Variants in MEGF11 observed in about 807,000 individuals in gnomAD.
The protein encoded by MEGF11 is multiple epidermal growth factor-like domains protein 11.
MEGF11 carries 126 observed loss-of-function variants against 146.6 expected under a neutral mutation model. The ratio of observed to expected loss-of-function variants is 0.86; its 90% CI spans 0.74 to 1.00. The LOEUF is 1.00. Ranked by LOEUF, MEGF11 falls within the 50% of genes least tolerant of loss-of-function variation. The pLI is 0.00. For synonymous variants in MEGF11, 532 were observed against 583.4 expected (o/e 0.91, Z 1.27); for missense variants, 1,509 against 1,521.2 (o/e 0.99, Z 0.13).
chr15:65,988,183 T>G (rs112200370), intron 5 of MEGF11, among the ~76,000 whole-genome samples: 6,255 of 151,978 alleles, frequency 0.041, 206 homozygotes, highest in Non-Finnish European at 0.062. Flanking sequence ...AATTTTCCTA[T>G]TTTTTTGTAG....
At chr15:66,094,856 A>G (rs904803609) in intron 4 of MEGF11, among the ~76,000 whole-genome samples, 6 of 152,172 alleles carry the variant, frequency 3.9e-5, no homozygotes, top group African/African-American at 1.4e-4. Context: ...TGCTTAGGAA[A>G]TGATCTGTCC....
At chr15:66,152,760 T>A (rs1436922650) in intron 1 of MEGF11, among the ~76,000 whole-genome samples, 1 of 152,212 alleles carries the variant, frequency 6.6e-6, no homozygotes. Context: ...TGGATGCACA[T>A]GGCCGGATGG....
chr15:66,251,641 A>G (rs1597177445), intron 1 of MEGF11, among the ~76,000 whole-genome samples: 1 of 152,194 alleles, frequency 6.6e-6, no homozygotes, highest in African/African-American at 2.4e-5. Context: ...GCAGTGGCCT[A>G]ACTGGGAACA....
At chr15:65,970,993 A>C in intron 7 of MEGF11, 1 of 412,842 alleles carries the variant, frequency 2.4e-6, no homozygotes, top group Non-Finnish European at 4.5e-6. Flanking sequence ...AGAGCCAAAA[A>C]AACCGCTAAG....
At chr15:66,061,851 G>A (rs541791850) in intron 5 of MEGF11, among the ~76,000 whole-genome samples, 2 of 152,304 alleles carry the variant, frequency 1.3e-5, no homozygotes, top group South Asian at 4.1e-4. Context: ...GGCCCAGGTT[G>A]ATAATCAAAC....
At chr15:66,084,130 T>A (rs978551674) in intron 5 of MEGF11, among the ~76,000 whole-genome samples, 18 of 152,128 alleles carry the variant, frequency 1.2e-4, no homozygotes, top group African/African-American at 4.3e-4. Context: ...ACCACACACC[T>A]AGGCTACACC....
intron 1 of MEGF11, among the ~76,000 whole-genome samples, chr15:66,133,737 C>T (rs2088763444): frequency 6.6e-6 from 1 of 152,084 alleles, no homozygotes; most frequent in Non-Finnish European, 1.5e-5. Context: ...AGCAATCCCA[C>T]CAGGGGTTGG....
intron 24 of MEGF11, among the ~76,000 whole-genome samples, chr15:65,903,098 A>AGGAG (rs1388985415): frequency 6.6e-6 from 1 of 152,160 alleles, no homozygotes; most frequent in Non-Finnish European, 1.5e-5. Flanking sequence ...GAGAGATAGG[A>AGGAG]GGAGGAGGTC....
intron 2 of MEGF11, among the ~76,000 whole-genome samples, chr15:66,125,087 G>T (rs1444115281): frequency 6.6e-6 from 1 of 152,228 alleles, no homozygotes; most frequent in African/African-American, 2.4e-5. Context: ...TCCACGGTAG[G>T]CTCTCTGATG....
At chr15:66,074,729 C>A (rs2085505578) in intron 5 of MEGF11, among the ~76,000 whole-genome samples, 1 of 152,192 alleles carries the variant, frequency 6.6e-6, no homozygotes, top group Non-Finnish European at 1.5e-5. Flanking sequence ...TTAAAGTTAC[C>A]AAACTGCTCC....
intron 16 of MEGF11, among the ~76,000 whole-genome samples, chr15:65,917,557 A>T (rs1337453846): frequency 6.6e-6 from 1 of 152,118 alleles, no homozygotes; most frequent in Admixed American, 6.5e-5. Context: ...CCTCAAGGAC[A>T]TCATTCACAT....
At chr15:66,152,085 G>A (rs747988341) in intron 1 of MEGF11, among the ~76,000 whole-genome samples, 2 of 152,172 alleles carry the variant, frequency 1.3e-5, no homozygotes, top group Non-Finnish European at 2.9e-5. Flanking sequence ...TTTCATTCCA[G>A]GAGCTCTAGC....
chr15:66,146,834 T>G (rs957204940), intron 1 of MEGF11, among the ~76,000 whole-genome samples: 5 of 152,246 alleles, frequency 3.3e-5, no homozygotes, highest in Non-Finnish European at 7.3e-5. Flanking sequence ...GCATTGTTGG[T>G]GAAGGTAGGC....
intron 4 of MEGF11, among the ~76,000 whole-genome samples, chr15:66,114,157 G>C (rs2087596956): frequency 6.6e-6 from 1 of 152,236 alleles, no homozygotes; most frequent in Non-Finnish European, 1.5e-5. Flanking sequence ...ACATTCGAAT[G>C]AGTTGTGGTT....
chr15:66,138,035 C>A (rs2088971813), intron 1 of MEGF11, among the ~76,000 whole-genome samples: 1 of 152,132 alleles, frequency 6.6e-6, no homozygotes, highest in South Asian at 2.1e-4. Context: ...TGAGATCCAA[C>A]CTGCGTGAGA....
intron 19 of MEGF11, 184 bp from the exon 20 acceptor site, chr15:65,914,157 G>T (rs1453144767): frequency 3.4e-6 from 2 of 592,026 alleles, no homozygotes; most frequent in South Asian, 2.1e-5. Flanking sequence ...TAAAGGGGAT[G>T]GAGTCTCAGG....
intron 5 of MEGF11, among the ~76,000 whole-genome samples, chr15:66,019,088 C>T (rs899458165): frequency 2.0e-5 from 3 of 152,202 alleles, no homozygotes; most frequent in Non-Finnish European, 4.4e-5. Context: ...GGCTTGGTCC[C>T]TCATAAGTGG....
intron 1 of MEGF11, among the ~76,000 whole-genome samples, chr15:66,235,417 G>C (rs113686103): frequency 0.012 from 1,890 of 151,980 alleles, 38 homozygotes; most frequent in African/African-American, 0.043. Flanking sequence ...TGAGGGGACT[G>C]CTTGAGCCTG....
At chr15:65,996,188 C>G (rs2082191560) in intron 5 of MEGF11, among the ~76,000 whole-genome samples, 1 of 152,176 alleles carries the variant, frequency 6.6e-6, no homozygotes, top group South Asian at 2.1e-4. Context: ...GCACTGGATG[C>G]TCCTTGACAT....
Sources: gnomAD v4.1 joint callset for allele counts (sites outside exome capture counted in the v4.1 genomes callset) on GRCh38, gnomAD v4.1.1 for gene constraint, MANE v1.5 for transcripts, NCBI Gene and HGNC (gene_info 2026-07-23, HGNC 2026-07-21) for gene names.